SIPA1L1: variants seen among roughly 807,000 people sequenced by gnomAD.
SIPA1L1 encodes the protein signal induced proliferation associated 1 like 1, also known as signal-induced proliferation-associated 1-like protein 1.
In SIPA1L1, 26 loss-of-function variants were observed where a neutral mutation model predicts 162.7. That is an observed-to-expected ratio of 0.16 (90% CI 0.12 to 0.22). The LOEUF is 0.22. Among genes scored for constraint, SIPA1L1 ranks in the 10% least tolerant of loss-of-function variants. SIPA1L1 has a pLI of 1.00. For missense variants in SIPA1L1, 1,874 were observed against 2,241.0 expected (o/e 0.84, Z 3.31); for synonymous variants, 829 against 837.4 (o/e 0.99, Z 0.17).
intron 2 of SIPA1L1, among the ~76,000 whole-genome samples, chr14:71,507,882 C>T (rs1479521128): frequency 1.4e-4 from 22 of 152,134 alleles, no homozygotes; most frequent in Non-Finnish European, 1.0e-4. Context: ...CATTCTGCAG[C>T]GGACTCACAA....
intron 18 of SIPA1L1, among the ~76,000 whole-genome samples, chr14:71,724,320 AT>A (rs1363730301): frequency 6.6e-6 from 1 of 152,264 alleles, no homozygotes; most frequent in African/African-American, 2.4e-5. Context: ...ACATCAAAAA[AT>A]TAAATGATTC....
At chr14:71,485,908 T>C (rs2048715377) in intron 2 of SIPA1L1, among the ~76,000 whole-genome samples, 1 of 152,162 alleles carries the variant, frequency 6.6e-6, no homozygotes, top group Non-Finnish European at 1.5e-5. Flanking sequence ...TGTTGATGTT[T>C]AACTTCCATT....
At chr14:71,676,234 A>G (rs914285868) in intron 12 of SIPA1L1, among the ~76,000 whole-genome samples, 3 of 151,542 alleles carry the variant, frequency 2.0e-5, no homozygotes, top group Admixed American at 6.6e-5. Flanking sequence ...AGAGGTTGCA[A>G]TGAGCTGAGA....
chr14:71,678,356 G>A (rs1225205914), intron 12 of SIPA1L1, among the ~76,000 whole-genome samples: 1 of 152,196 alleles, frequency 6.6e-6, no homozygotes, highest in Non-Finnish European at 1.5e-5. Flanking sequence ...ATGAAGGGCT[G>A]TTGAATTTTG....
At chr14:71,624,549 GTT>G (rs1200680112) in intron 7 of SIPA1L1, among the ~76,000 whole-genome samples, 2 of 152,120 alleles carry the variant, frequency 1.3e-5, no homozygotes, top group African/African-American at 2.4e-5. Flanking sequence ...TCATAATAAT[GTT>G]GTGTTAATGA....
intron 2 of SIPA1L1, among the ~76,000 whole-genome samples, chr14:71,347,108 C>G (rs903057813): frequency 6.7e-6 from 1 of 149,998 alleles, no homozygotes; most frequent in East Asian, 1.9e-4. Context: ...CACGCCACTA[C>G]GTCTGGGTAA....
At chr14:71,581,931 A>G (rs118032136) in intron 4 of SIPA1L1, among the ~76,000 whole-genome samples, 210 of 152,246 alleles carry the variant, frequency 1.4e-3, no homozygotes, top group Non-Finnish European at 2.5e-3. Context: ...TAGGTCTTTG[A>G]TATTTTATTA....
intron 2 of SIPA1L1, among the ~76,000 whole-genome samples, chr14:71,332,340 T>G (rs1427518514): frequency 6.6e-6 from 1 of 152,184 alleles, no homozygotes; most frequent in Non-Finnish European, 1.5e-5. Context: ...ATGTGGCCCT[T>G]GTCAATGTTC....
intron 5 of SIPA1L1, among the ~76,000 whole-genome samples, chr14:71,605,603 T>G (rs1458236004): frequency 6.6e-6 from 1 of 152,174 alleles, no homozygotes; most frequent in African/African-American, 2.4e-5. Context: ...TCTGGGTGCA[T>G]GTAGTAGTAT....
intron 2 of SIPA1L1, among the ~76,000 whole-genome samples, chr14:71,323,899 T>C (rs117100276): frequency 1.5e-3 from 231 of 152,342 alleles, no homozygotes; most frequent in Non-Finnish European, 2.5e-3. Flanking sequence ...GGTACCCTGA[T>C]GCCCTCGTAA....
chr14:71,588,391 A>G lies in SIPA1L1; in HGVS notation c.519A>G (p.Arg173=). Residue 173 remains arginine, a synonymous_variant, in exon 5 of 24, where the codon CGA becomes CGG. Coordinates refer to ENST00000381232, the MANE Select transcript of SIPA1L1 (RefSeq NM_001386936.1). The surrounding 1 kb of genome is among the most constrained non-coding windows in gnomAD (Gnocchi z 4.3). ...AAGCTCTTCGCAGAATACGCCAGCG[A>G]AGCAACAGTGATATCACCATAAGTG... ...PRKALRRIRQ[R]SNSDITISEL... is the part of the protein sequence containing the mutation. 1 of 1,614,094 alleles carries G rather than the reference A, an allele frequency of 6.2e-7. No homozygotes were observed. Among genetic ancestry groups the G allele is most frequent in the Non-Finnish European group, 8.5e-7 (1 of 1,179,992 alleles).
At chr14:71,650,845 C>G (rs374828805) in intron 8 of SIPA1L1, among the ~76,000 whole-genome samples, 1 of 152,188 alleles carries the variant, frequency 6.6e-6, no homozygotes, top group Non-Finnish European at 1.5e-5. Context: ...CGGAAACTTA[C>G]AACTGTCTGA....
chr14:71,569,312 C>G (rs543397295), intron 4 of SIPA1L1, among the ~76,000 whole-genome samples: 1 of 152,256 alleles, frequency 6.6e-6, no homozygotes, highest in South Asian at 2.1e-4. Flanking sequence ...AATGTTGACT[C>G]TCTGCAACCC....
intron 2 of SIPA1L1, among the ~76,000 whole-genome samples, chr14:71,328,983 A>T (rs894934987): frequency 6.6e-6 from 1 of 152,150 alleles, no homozygotes; most frequent in Non-Finnish European, 1.5e-5. Flanking sequence ...TGTTTCTATG[A>T]ATCTGGCTAC....
chr14:71,446,906 GTTTTTTTT>G (rs1189940440), intron 2 of SIPA1L1, among the ~76,000 whole-genome samples: 1 of 53,244 alleles, frequency 1.9e-5, no homozygotes, highest in Admixed American at 3.0e-4. Flanking sequence ...TTTTTTTTTT[GTTTTTTTT>G]TTTTTTTTTT....
intron 10 of SIPA1L1, among the ~76,000 whole-genome samples, chr14:71,665,137 A>G (rs976739839): frequency 6.6e-6 from 1 of 152,220 alleles, no homozygotes; most frequent in Non-Finnish European, 1.5e-5. Context: ...TGTACACAGA[A>G]AGATAAATTT....
chr14:71,588,770 C>T lies in SIPA1L1; in HGVS notation c.898C>T (p.Arg300Cys), dbSNP rs781073711. Residue 300 changes from arginine (R) to cysteine (C), a missense_variant, in exon 5 of 24, where the codon CGC (arginine) becomes TGC (cysteine). Coordinates refer to ENST00000381232, the MANE Select transcript of SIPA1L1 (RefSeq NM_001386936.1). This position sits in a 1 kb window ranked among gnomAD's most constrained non-coding sequence, Gnocchi z 4.3. ...TGDSSIFRKL[R>C]NAKGEELGKS... ...AGACTCATCTATTTTTCGTAAATTG[C>T]GCAATGCCAAAGGTGAAGAACTTGG... The T allele has an allele frequency of 6.2e-6, 10 of 1,614,006 alleles. No homozygotes were observed. The highest frequency in any genetic ancestry group is 2.7e-5 in the African/African-American group (2 of 75,030).
rs1434643522 is a variant in SIPA1L1, at chr14:71,692,457, C to T, written c.3375-6524C>T. ...AAGACAAGGGAGAAAAGCAGAGGGCCGCATTTGACTTAAAGTGACCGGACT... is the reference window on the plus strand; with the variant it reads ...AAGACAAGGGAGAAAAGCAGAGGGCTGCATTTGACTTAAAGTGACCGGACT... On this transcript the variant is annotated intron_variant, in intron 13 of 23. Transcript: ENST00000381232. Among the ~76,000 whole-genome samples the T allele has an allele frequency of 4.6e-5, 7 of 152,148 alleles. No homozygotes were observed. In the South Asian group the frequency reaches 6.2e-4, roughly 14 times the overall value.
intron 2 of SIPA1L1, among the ~76,000 whole-genome samples, chr14:71,510,816 T>C (rs969066905): frequency 2.6e-5 from 4 of 152,266 alleles, no homozygotes; most frequent in Middle Eastern, 3.4e-3. Context: ...CCTGAAACAT[T>C]ATTAGCTTAA....
Sources: allele counts gnomAD v4.1 joint callset (sites outside exome capture counted in the v4.1 genomes callset), GRCh38; gene constraint gnomAD v4.1.1; non-coding constraint Gnocchi (gnomAD v3.1); transcripts MANE v1.5; gene names NCBI Gene and HGNC (gene_info 2026-07-23, HGNC 2026-07-21).